CALML6: variants seen among roughly 807,000 people sequenced by gnomAD.
The protein encoded by CALML6 is calmodulin like 6.
A neutral mutation model predicts 25.0 loss-of-function variants in CALML6; 27 were observed. The observed-to-expected ratio is 1.08, with a 90% CI of 0.80 to 1.49. The LOEUF (loss-of-function observed/expected upper bound fraction) is 1.49. Among genes scored for constraint, CALML6 ranks in the 40% most tolerant of loss-of-function variants. The probability of loss-of-function intolerance (pLI) is 0.00; values close to 1 mark genes in which losing one functional copy is unlikely to be tolerated. For synonymous variants in CALML6, 97 were observed against 87.2 expected, an observed-to-expected ratio of 1.11 and a Z score of -0.63; for missense variants, 239 against 232.7, an observed-to-expected ratio of 1.03 and a Z score of -0.18.
At chr1:1,916,141 C>G in intron 2 of CALML6, 1 of 428,520 alleles carries the variant, frequency 2.3e-6, no homozygotes. Flanking sequence ...CATTGCCAGG[C>G]TCCAGGGCCG....
At chr1:1,915,894 C>T in intron 2 of CALML6, 159 bp downstream of exon 2, 4 of 719,494 alleles carry the variant, frequency 5.6e-6, no homozygotes, top group South Asian at 3.4e-5. Context: ...AGCCCTTGTT[C>T]CGGGGCCAGG....
At position 1,916,555 on chromosome 1, in the gene CALML6, C is replaced by T. The variant is rs150356689; in HGVS notation, c.193C>T (p.Leu65=). Residue 65 remains leucine (L), a synonymous_variant, in exon 3 of 6, where the codon CTG becomes TTG. Coordinates refer to ENST00000307786, the MANE Select transcript of CALML6 (RefSeq NM_138705.4). ...GGAGCTGGAGTGGCTCATGAGCCTGCTGGGTATCAACCCCACCAAGAGTGA... is the reference window on the plus strand; with the variant it reads ...GGAGCTGGAGTGGCTCATGAGCCTGTTGGGTATCAACCCCACCAAGAGTGA... ...TGELEWLMSL[L]GINPTKSELA... The T allele has an allele frequency of 6.2e-7, 1 of 1,612,338 alleles. No homozygotes were observed. Among genetic ancestry groups the T allele is most frequent in the African/African-American group, 1.3e-5 (1 of 74,778 alleles).
intron 5 of CALML6, 26 bp downstream of exon 5, chr1:1,917,100 C>G (rs771115467): frequency 9.9e-6 from 16 of 1,609,322 alleles, no homozygotes; most frequent in Non-Finnish European, 1.4e-5. Context: ...CCCTGGGAGC[C>G]GTTGGCTGGG....
In CALML6 at chr1:1,917,226, G is replaced by T; in HGVS notation, c.*33G>T. Reference sequence around the variant, plus strand: ...TGCCGCAGCCGGGGGAGGCCTGCCCGGGAAGGCTGCTGCCCCTGCCCCCTG... The same window carrying T: ...TGCCGCAGCCGGGGGAGGCCTGCCCTGGAAGGCTGCTGCCCCTGCCCCCTG... On this transcript the variant is annotated 3_prime_UTR_variant, in exon 6 of 6. Transcript: ENST00000307786. 6.4e-7 allele frequency: 1 copy of T among 1,561,084 alleles called. No homozygotes were observed. The highest frequency in any genetic ancestry group is 2.4e-5 in the East Asian group (1 of 42,194).
At position 1,915,744 on chromosome 1, in the gene CALML6, GCT is replaced by G. The variant is rs1651086493; in HGVS notation, c.78+14_78+15del. 1.9e-6 allele frequency: 3 copies of G among 1,613,056 alleles called. No individual in the cohort carries two copies. The South Asian group carries it at 3.3e-5, about 18-fold the overall frequency. ...AGACAACCACCGACATGGTAAGGCTGCTCTCTGTGCCCGATGGAGTCTCTGGT... is the reference window on the plus strand; with the variant it reads ...AGACAACCACCGACATGGTAAGGCTGCTCTGTGCCCGATGGAGTCTCTGGT... On this transcript the variant is annotated intron_variant, in intron 2 of 5. Coordinates refer to ENST00000307786, the MANE Select transcript of CALML6 (RefSeq NM_138705.4).
rs375098098 is a variant in CALML6, at chr1:1,916,968, C to T, written c.399-6C>T. 5.0e-6 allele frequency: 8 copies of T among 1,611,032 alleles called. No homozygotes were observed. The Admixed American group carries it at 1.3e-4, about 27-fold the overall frequency. On this transcript the variant is annotated splice_region_variant and splice_polypyrimidine_tract_variant and intron_variant, in intron 4 of 5. Transcript: ENST00000307786. ...CGATGGAGTGGCTCAGCGCCAGGCC[C>T]CGTAGGTACGTGCTAATGAACGCAG...
In CALML6 at chr1:1,917,213, G is replaced by C. The variant is rs542296656; in HGVS notation, c.*20G>C. ...CAGTAGGTGCAGCTGCCGCAGCCGG[G>C]GGAGGCCTGCCCGGGAAGGCTGCTG... On this transcript the variant is annotated 3_prime_UTR_variant, in exon 6 of 6. Coordinates refer to ENST00000307786, the MANE Select transcript of CALML6 (RefSeq NM_138705.4). 2.5e-6 allele frequency: 4 copies of C among 1,582,324 alleles called. No individual in the cohort carries two copies. The highest frequency in any genetic ancestry group is 3.4e-6 in the Non-Finnish European group (4 of 1,167,104).
At chr1:1,916,171 C>A in intron 2 of CALML6, 2 of 445,900 alleles carry the variant, frequency 4.5e-6, no homozygotes, top group South Asian at 3.8e-5. Flanking sequence ...CCGCCTGGCC[C>A]TGCAGCTGCT....
chr1:1,916,018 G>C, intron 2 of CALML6: 1 of 531,670 alleles, frequency 1.9e-6, no homozygotes, highest in Non-Finnish European at 3.4e-6. Flanking sequence ...CTGGAGCCCA[G>C]GGTTCTGCTT....
At chr1:1,916,930 G>GGGGGGGGGC in intron 4 of CALML6, 34 bp downstream of exon 4, 48 of 664,628 alleles carry the variant, frequency 7.2e-5, no homozygotes, top group Non-Finnish European at 1.1e-4. Flanking sequence ...TGGTGGGCGG[G>GGGGGGGGGC]CACGGGCAGG....
At chr1:1,915,838 A>G (rs1470319229) in intron 2 of CALML6, 103 bp downstream of exon 2, 1 of 1,177,036 alleles carries the variant, frequency 8.5e-7, no homozygotes, top group African/African-American at 1.5e-5. Context: ...CTGGGCAGGA[A>G]GGGGCTGAGG....
Position 1,916,756 on chromosome 1 carries a change from A to C in CALML6, c.258A>C (p.Lys86Asn), listed in dbSNP as rs1420608586. 2 of 1,613,504 alleles carry C rather than the reference A, an allele frequency of 1.2e-6. No homozygotes were observed. Among genetic ancestry groups the C allele is most frequent in the Non-Finnish European group, 1.7e-6 (2 of 1,180,018 alleles). ...CCCCAGCTGTGCCCCTTGCAGACAAAGGGTTCTTCAACTGCGATGGTTTCC... is the reference window on the plus strand; with the variant it reads ...CCCCAGCTGTGCCCCTTGCAGACAACGGGTTCTTCAACTGCGATGGTTTCC... Reference protein sequence around the residue: ...SMAKDVDRDNKGFFNCDGFLA... With the variant: ...SMAKDVDRDNNGFFNCDGFLA... The change falls in exon 4 of 6, where the codon AAA becomes AAC. Residue 86 changes from lysine to asparagine, a missense_variant. Physicochemically the swap from Lys to Asn is moderately conservative, Grantham distance 94 (BLOSUM62 0). Transcript: ENST00000307786.
chr1:1,917,193 G>A lies in CALML6; in HGVS notation c.546G>A (p.Ter182=), dbSNP rs138794919. 45 of 1,599,342 alleles carry A rather than the reference G, an allele frequency of 2.8e-5. No homozygotes were observed. The African/African-American group carries it at 5.9e-4, about 21-fold the overall frequency. The stretch of plus-strand genomic sequence containing the variant: ...GGGAGTCCTTCAAGCTGATCCAGTA[G>A]GTGCAGCTGCCGCAGCCGGGGGAGG... ...MTGESFKLIQ[*] is the part of the protein sequence containing the mutation. Residue 182 remains the stop codon, a stop_retained_variant, in exon 6 of 6, where the codon TAG becomes TAA. Transcript: ENST00000307786.
chr1:1,916,916 C>CGGG lies in CALML6; in HGVS notation c.398+21_398+23dup. ...ACTCAAGTAGGGCCCGGGTTGGGGG[C>CGGG]GGGTGGTGGGCGGGCACGGGCAGGG... is the stretch of plus-strand genomic sequence containing the variant. On this transcript the variant is annotated intron_variant, in intron 4 of 5. Coordinates refer to ENST00000307786, the MANE Select transcript of CALML6 (RefSeq NM_138705.4). 3.7e-5 allele frequency: 13 copies of CGGG among 348,992 alleles called. No individual in the cohort carries two copies. Among genetic ancestry groups the CGGG allele is most frequent in the East Asian group, 1.5e-4 (2 of 13,736 alleles). The allele number at this position is 348,992 out of a possible 1,614,324, so 21.6% of individuals were successfully genotyped here. A position where few individuals can be genotyped will look rare whatever the true frequency, so the allele number is the denominator to read the frequency against.
intron 1 of CALML6, 68 bp from the exon 2 acceptor site, chr1:1,915,616 CG>C: frequency 6.5e-7 from 1 of 1,549,024 alleles, no homozygotes; most frequent in Non-Finnish European, 8.8e-7. Flanking sequence ...ATCTGGACCC[CG>C]GGGACCCCAG....
At chr1:1,915,663 T>C (rs747173332) in intron 1 of CALML6, 22 bp from the exon 2 acceptor site, 2 of 1,612,626 alleles carry the variant, frequency 1.2e-6, no homozygotes, top group Non-Finnish European at 1.7e-6. Flanking sequence ...CTGCCACCAC[T>C]GCCCCAGCAC....
At chr1:1,916,247 C>A in intron 2 of CALML6, 194 bp from the exon 3 acceptor site, 1 of 531,446 alleles carries the variant, frequency 1.9e-6, no homozygotes, top group Non-Finnish European at 3.3e-6. Context: ...CTGGCAGAGC[C>A]CTGCTGGCCC....
chr1:1,917,187 C>A lies in CALML6; in HGVS notation c.540C>A (p.Ile180=). The change falls in exon 6 of 6, where the codon ATC becomes ATA. Residue 180 remains isoleucine, a synonymous_variant. Transcript: ENST00000307786. ...TGACGGGGGAGTCCTTCAAGCTGAT[C>A]CAGTAGGTGCAGCTGCCGCAGCCGG... ...AMMTGESFKL[I]Q is the part of the protein sequence containing the mutation. 1 of 1,601,826 alleles carries A rather than the reference C, an allele frequency of 6.2e-7. No individual in the cohort carries two copies. The highest frequency in any genetic ancestry group is 8.5e-7 in the Non-Finnish European group (1 of 1,175,888).
chr1:1,916,916 C>CGGTTGGGGGGG lies in CALML6; in HGVS notation c.398+22_398+23insTTGGGGGGGGG. ...ACTCAAGTAGGGCCCGGGTTGGGGG[C>CGGTTGGGGGGG]GGGTGGTGGGCGGGCACGGGCAGGG... On this transcript the variant is annotated intron_variant, in intron 4 of 5. Transcript: ENST00000307786. 2.9e-6 allele frequency: 1 copy of CGGTTGGGGGGG among 349,046 alleles called. No homozygotes were observed. 21.6% of individuals were successfully genotyped at this position (349,046 alleles called of 1,614,324 possible).
Sources: allele counts gnomAD v4.1 joint callset, GRCh38; gene constraint gnomAD v4.1.1; transcripts MANE v1.5; gene names NCBI Gene and HGNC (gene_info 2026-07-23, HGNC 2026-07-21).